Variants in BBX observed in about 807,000 individuals in gnomAD.
The protein encoded by BBX is HMG box transcription factor BBX.
BBX carries 30 observed loss-of-function variants against 100.2 expected under a neutral mutation model. The observed-to-expected ratio is 0.30, with a 90% CI of 0.22 to 0.41. BBX has a LOEUF of 0.41. BBX is among the 10% of genes least tolerant of loss of function. The pLI, the probability that BBX is intolerant of heterozygous loss-of-function variation, is 1.00. For synonymous variants in BBX, 376 were observed against 388.1 expected (o/e 0.97, Z 0.37); for missense variants, 1,023 against 1,129.8 (o/e 0.91, Z 1.35).
At chr3:107,580,572 C>T (rs916993439) in intron 2 of BBX, among the ~76,000 whole-genome samples, 9 of 152,016 alleles carry the variant, frequency 5.9e-5, no homozygotes. Flanking sequence ...ATATATGACT[C>T]ATATGTAGGT....
intron 2 of BBX, among the ~76,000 whole-genome samples, chr3:107,610,237 A>G (rs2054741942): frequency 6.6e-6 from 1 of 152,008 alleles, no homozygotes; most frequent in East Asian, 1.9e-4. Context: ...AATGCTTACT[A>G]TTATTTTGAA....
chr3:107,528,087 G>C (rs1038083032), intron 2 of BBX, among the ~76,000 whole-genome samples: 1 of 152,284 alleles, frequency 6.6e-6, no homozygotes, highest in East Asian at 1.9e-4. Flanking sequence ...TTCAAGAACA[G>C]TCTTGGACTT....
chr3:107,768,091 C>T (rs1337382863), intron 10 of BBX, among the ~76,000 whole-genome samples: 1 of 152,168 alleles, frequency 6.6e-6, no homozygotes, highest in African/African-American at 2.4e-5. Flanking sequence ...GTCACTAACC[C>T]CTGTGTTGCG....
At chr3:107,752,790 T>G (rs897595217) in intron 9 of BBX, among the ~76,000 whole-genome samples, 4 of 152,190 alleles carry the variant, frequency 2.6e-5, no homozygotes, top group Admixed American at 6.5e-5. Flanking sequence ...AGCATACCCA[T>G]GAACATCCTA....
chr3:107,549,727 A>G (rs1263082945), intron 2 of BBX, among the ~76,000 whole-genome samples: 1 of 152,196 alleles, frequency 6.6e-6, no homozygotes, highest in African/African-American at 2.4e-5. Flanking sequence ...GGGGCAAGCC[A>G]TGTGCATTCC....
chr3:107,766,771 G>A (rs551897613), intron 10 of BBX, among the ~76,000 whole-genome samples: 1 of 152,264 alleles, frequency 6.6e-6, no homozygotes, highest in South Asian at 2.1e-4. Flanking sequence ...GTTTATTGCA[G>A]CACTGTTCAC....
At chr3:107,631,095 C>T (rs2056517762) in intron 2 of BBX, among the ~76,000 whole-genome samples, 1 of 152,172 alleles carries the variant, frequency 6.6e-6, no homozygotes, top group South Asian at 2.1e-4. Context: ...TCAAAGTGAT[C>T]CCAAACTGGA....
chr3:107,583,755 A>G (rs546077434), intron 2 of BBX, among the ~76,000 whole-genome samples: 8 of 145,824 alleles, frequency 5.5e-5, no homozygotes, highest in African/African-American at 1.5e-4. Flanking sequence ...TTTCTTCATT[A>G]TAGCCTGGTT....
chr3:107,801,604 C>T (rs1488292223), intron 17 of BBX, among the ~76,000 whole-genome samples: 1 of 152,138 alleles, frequency 6.6e-6, no homozygotes, highest in African/African-American at 2.4e-5. Context: ...AGTCCTAGCT[C>T]CATCACCTGC....
rs369283813 is a variant in BBX at position 107,624,065 on chromosome 3, A to C, written c.-83-21771A>C. On this transcript the variant is annotated intron_variant, in intron 2 of 17. Transcript: ENST00000325805. ...AAGCATCAATCTAGGCTCATGGTTG[A>C]GTCTGCTCAGAAGCCAGGCTGCCAG... is the stretch of plus-strand genomic sequence containing the variant. Among the ~76,000 whole-genome samples, 14 of 152,330 alleles carry C rather than the reference A, an allele frequency of 9.2e-5. No individual in the cohort carries two copies. The East Asian group carries it at 1.5e-3, about 17-fold the overall frequency.
chr3:107,597,500 A>G (rs2053743197), intron 2 of BBX, among the ~76,000 whole-genome samples: 2 of 152,290 alleles, frequency 1.3e-5, no homozygotes, highest in African/African-American at 4.8e-5. Flanking sequence ...TCTTCTAATT[A>G]ATTCATAATT....
chr3:107,599,133 G>C (rs944145242), intron 2 of BBX, among the ~76,000 whole-genome samples: 3 of 152,174 alleles, frequency 2.0e-5, no homozygotes, highest in African/African-American at 7.2e-5. Flanking sequence ...TAGTTTACCA[G>C]ATTGACAGAG....
chr3:107,798,038 G>C (rs981143708), intron 15 of BBX, among the ~76,000 whole-genome samples: 2 of 152,138 alleles, frequency 1.3e-5, no homozygotes, highest in African/African-American at 4.8e-5. Context: ...TTTCTTTTCT[G>C]ATCAATTCAA....
chr3:107,540,453 T>A (rs1429881761), intron 2 of BBX, among the ~76,000 whole-genome samples: 1 of 152,212 alleles, frequency 6.6e-6, no homozygotes, highest in African/African-American at 2.4e-5. Context: ...ATATTAATAC[T>A]ATGTACTGGG....
At chr3:107,713,628 G>T (rs1326998349) in intron 4 of BBX, among the ~76,000 whole-genome samples, 3 of 152,178 alleles carry the variant, frequency 2.0e-5, no homozygotes, top group African/African-American at 7.2e-5. Flanking sequence ...GATGTTCATA[G>T]TTGGCAGAAT....
intron 3 of BBX, among the ~76,000 whole-genome samples, chr3:107,655,510 A>T (rs1221466666): frequency 2.7e-5 from 3 of 113,170 alleles, no homozygotes; most frequent in Non-Finnish European, 5.5e-5. Flanking sequence ...TATGATAATT[A>T]ATTTTTTTTT....
intron 13 of BBX, among the ~76,000 whole-genome samples, chr3:107,779,016 T>C (rs2067584731): frequency 1.4e-5 from 1 of 72,408 alleles, no homozygotes; most frequent in African/African-American, 4.3e-5. Context: ...TATATATATA[T>C]ATATACACAC....
intron 2 of BBX, among the ~76,000 whole-genome samples, chr3:107,547,136 A>G (rs2049297521): frequency 6.6e-6 from 1 of 152,202 alleles, no homozygotes; most frequent in South Asian, 2.1e-4. Flanking sequence ...ACAACATGAA[A>G]TAAAGCTCAA....
chr3:107,628,352 G>A (rs1439657619), intron 2 of BBX, among the ~76,000 whole-genome samples: 1 of 151,570 alleles, frequency 6.6e-6, no homozygotes. Flanking sequence ...CAAATAAAGT[G>A]TATTTATCAA....
Sources: gnomAD v4.1 joint callset for allele counts (sites outside exome capture counted in the v4.1 genomes callset) on GRCh38, gnomAD v4.1.1 for gene constraint, MANE v1.5 for transcripts, NCBI Gene and HGNC (gene_info 2026-07-23, HGNC 2026-07-21) for gene names.